The following ZBTB8A variants were observed in gnomAD, a reference collection of about 807,000 sequenced individuals.
ZBTB8A encodes the protein zinc finger and BTB domain-containing protein 8A.
In ZBTB8A, 19 loss-of-function variants were observed where a neutral mutation model predicts 37.8. That is an observed-to-expected ratio of 0.50 (90% CI 0.35 to 0.74). The LOEUF (loss-of-function observed/expected upper bound fraction) is 0.74, where lower values mean the gene tolerates loss of function less well. Ranked by LOEUF, ZBTB8A falls within the 30% of genes least tolerant of loss-of-function variation. ZBTB8A has a pLI of 0.01. For missense variants in ZBTB8A, 394 were observed against 537.8 expected, an observed-to-expected ratio of 0.73 and a Z score of 2.65; for synonymous variants, 181 against 185.2, an observed-to-expected ratio of 0.98 and a Z score of 0.19.
At chr1:32,546,622 A>G (rs1644106569) in intron 1 of ZBTB8A, among the ~76,000 whole-genome samples, 1 of 152,040 alleles carries the variant, frequency 6.6e-6, no homozygotes, top group Non-Finnish European at 1.5e-5. Context: ...GGCTGGTGGG[A>G]CCTTGTCTCA....
chr1:32,581,302 TATA>T (rs1252962060), intron 2 of ZBTB8A, among the ~76,000 whole-genome samples: 9 of 116,678 alleles, frequency 7.7e-5, no homozygotes, highest in African/African-American at 1.7e-4. Context: ...TTATATATTA[TATA>T]ATAATATATA....
chr1:32,566,539 A>T (rs1375541173), intron 2 of ZBTB8A, among the ~76,000 whole-genome samples: 4 of 152,156 alleles, frequency 2.6e-5, no homozygotes, highest in East Asian at 1.9e-4. Context: ...ATAATAATAA[A>T]AAATACATAA....
At chr1:32,570,971 G>A (rs553670836) in intron 2 of ZBTB8A, among the ~76,000 whole-genome samples, 10 of 151,912 alleles carry the variant, frequency 6.6e-5, no homozygotes, top group African/African-American at 2.4e-4. Flanking sequence ...CACCTCCCAA[G>A]TTCAAGCAAT....
chr1:32,545,237 A>C (rs773974798), intron 1 of ZBTB8A, among the ~76,000 whole-genome samples: 10 of 150,938 alleles, frequency 6.6e-5, no homozygotes, highest in Non-Finnish European at 1.3e-4. Flanking sequence ...ATAGAAAAAG[A>C]AGAAGAAAAA....
chr1:32,551,997 T>TA (rs1218573331), intron 1 of ZBTB8A, among the ~76,000 whole-genome samples: 2 of 152,212 alleles, frequency 1.3e-5, no homozygotes, highest in African/African-American at 4.8e-5. Context: ...CAATAGGACT[T>TA]ACTATCTTGG....
Position 32,593,044 on chromosome 1 carries a change from A to G in ZBTB8A, c.113A>G (p.His38Arg). 2 of 1,614,240 alleles carry G rather than the reference A, an allele frequency of 1.2e-6. No individual in the cohort carries two copies. The highest frequency in any genetic ancestry group is 1.7e-6 in the Non-Finnish European group (2 of 1,180,048). ...ILVEGKVFKAHRNVLFASSGY... is the reference protein window; with the variant it reads ...ILVEGKVFKARRNVLFASSGY... ...GTTGAAGGGAAGGTCTTCAAAGCAC[A>G]TCGAAATGTATTATTCGCTAGTAGC... is the stretch of plus-strand genomic sequence containing the variant. Residue 38 changes from histidine (H) to arginine (R), a missense_variant, in exon 3 of 5, where the codon CAT becomes CGT. His to Arg is a conservative substitution (Grantham distance 29). Around this residue, in one of 4 missense-constraint regions of ZBTB8A, gnomAD observed 96 missense variants for 165.6 expected, o/e 0.58. Transcript: ENST00000373510.
chr1:32,571,751 A>G (rs538857701), intron 2 of ZBTB8A, among the ~76,000 whole-genome samples: 4 of 145,700 alleles, frequency 2.7e-5, no homozygotes, highest in African/African-American at 5.1e-5. Context: ...ATTTTTTTGT[A>G]CTTTTAGTAC....
intron 1 of ZBTB8A, among the ~76,000 whole-genome samples, chr1:32,545,210 T>A (rs574400758): frequency 5.3e-5 from 8 of 151,790 alleles, no homozygotes; most frequent in African/African-American, 1.9e-4. Flanking sequence ...TGGAAAAACA[T>A]GGAAAAAAAA....
chr1:32,554,667 C>CA (rs1644186342), intron 2 of ZBTB8A, among the ~76,000 whole-genome samples: 1 of 151,918 alleles, frequency 6.6e-6, no homozygotes, highest in Non-Finnish European at 1.5e-5. Context: ...TTAGTAGAGA[C>CA]TGGGTTTCAC....
chr1:32,541,758 ACTCC>A (rs906096715), intron 1 of ZBTB8A, among the ~76,000 whole-genome samples: 3 of 151,786 alleles, frequency 2.0e-5, no homozygotes, highest in Admixed American at 1.3e-4. Flanking sequence ...GGCTAAACTC[ACTCC>A]CTCAGGTGCT....
rs139721163 is a variant in ZBTB8A, at chr1:32,562,208, A to G, written c.-2+8668A>G. Among the ~76,000 whole-genome samples the G allele has an allele frequency of 9.8e-3, 1,480 of 150,338 alleles. 12 individuals carry two copies. Among genetic ancestry groups the G allele is most frequent in the Non-Finnish European group, 0.013 (897 of 67,746 alleles). On this transcript the variant is annotated intron_variant, in intron 2 of 4. Coordinates refer to ENST00000373510, the MANE Select transcript of ZBTB8A (RefSeq NM_001040441.3). ...TGGGCTCAAACAATCCTTCTACCTC[A>G]GTCTCCTAAAGTGTTGGGAGTATAG...
intron 1 of ZBTB8A, among the ~76,000 whole-genome samples, chr1:32,543,331 C>T (rs997860950): frequency 6.6e-6 from 1 of 152,080 alleles, no homozygotes; most frequent in Non-Finnish European, 1.5e-5. Flanking sequence ...GTGATCCACC[C>T]GCCTCAGCTT....
In ZBTB8A at chr1:32,584,266, T is replaced by A. The variant is rs115441092; in HGVS notation, c.-1-8665T>A. Among the ~76,000 whole-genome samples the A allele has an allele frequency of 9.2e-3, 1,395 of 152,276 alleles. 22 individuals are homozygous for A. The highest frequency in any genetic ancestry group is 0.032 in the African/African-American group (1,327 of 41,550). On this transcript the variant is annotated intron_variant, in intron 2 of 4. Transcript: ENST00000373510. ...TGTTTGCAATTTAATTTTGGATTTC[T>A]AGCCTCCAGATTGCAAGACAATAAA... is the stretch of plus-strand genomic sequence containing the variant.
chr1:32,602,340 A>C lies in ZBTB8A; in HGVS notation c.*1921A>C, dbSNP rs1475669315. 2.0e-5 allele frequency: 3 copies of C among 152,384 alleles called. No individual in the cohort carries two copies. The highest frequency in any genetic ancestry group is 3.8e-4 in the East Asian group (2 of 5,202). The allele number at this position is 152,384 out of a possible 1,614,324, so 9.4% of individuals were successfully genotyped here. ...CGAAACTCCGTCTCAAAAAAAAAAA[A>C]AAAAAAAACTTCTCCCCTGCATAAA... On this transcript the variant is annotated 3_prime_UTR_variant, in exon 5 of 5. Transcript: ENST00000373510.
chr1:32,598,883 G>A (rs1367684930), intron 4 of ZBTB8A, among the ~76,000 whole-genome samples: 3 of 151,994 alleles, frequency 2.0e-5, no homozygotes, highest in African/African-American at 7.2e-5. Context: ...TGTTTATGAT[G>A]AATGTCCAGT....
At position 32,593,671 on chromosome 1, in the gene ZBTB8A, C is replaced by G; in HGVS notation, c.740C>G (p.Ala247Gly). The G allele has an allele frequency of 6.2e-7, 1 of 1,614,162 alleles. No individual in the cohort carries two copies. The highest frequency in any genetic ancestry group is 8.5e-7 in the Non-Finnish European group (1 of 1,180,024). ...CATGTTTCCCAGTCTGAAGAACAAG[C>G]ACAGATTGATGCTGAAATGGACTCT... ...SSHVSQSEEQ[A>G]QIDAEMDSTP... Residue 247 changes from alanine (A) to glycine (G), a missense_variant, in exon 3 of 5, where the codon GCA (alanine) becomes GGA (glycine). This residue lies in a region of ZBTB8A where 171 missense variants were observed against 186.8 expected (regional missense o/e 0.92). Coordinates refer to ENST00000373510, the MANE Select transcript of ZBTB8A (RefSeq NM_001040441.3).
At chr1:32,578,901 G>T (rs1435520203) in intron 2 of ZBTB8A, among the ~76,000 whole-genome samples, 1 of 152,022 alleles carries the variant, frequency 6.6e-6, no homozygotes, top group Non-Finnish European at 1.5e-5. Flanking sequence ...TTATGGAATG[G>T]TGGACACTAT....
chr1:32,563,088 A>G (rs1019614196), intron 2 of ZBTB8A, among the ~76,000 whole-genome samples: 1 of 152,102 alleles, frequency 6.6e-6, no homozygotes, highest in Non-Finnish European at 1.5e-5. Flanking sequence ...AAGGTACTTT[A>G]TTGTTTTAAC....
At chr1:32,544,811 G>A (rs1396249983) in intron 1 of ZBTB8A, among the ~76,000 whole-genome samples, 1 of 152,120 alleles carries the variant, frequency 6.6e-6, no homozygotes, top group Non-Finnish European at 1.5e-5. Flanking sequence ...AATGTTATGC[G>A]GCGCGTGACC....
Sources: allele counts gnomAD v4.1 joint callset (sites outside exome capture counted in the v4.1 genomes callset), GRCh38; gene constraint gnomAD v4.1.1; regional missense constraint gnomAD v4.1.1; transcripts MANE v1.5; gene names NCBI Gene and HGNC (gene_info 2026-07-23, HGNC 2026-07-21).